The following FHOD3 variants were observed in gnomAD, a reference collection of about 807,000 sequenced individuals.
FHOD3 encodes formin homology 2 domain containing 3, also known as FH1/FH2 domain-containing protein 3.
FHOD3 carries 90 observed loss-of-function variants against 173.0 expected under a neutral mutation model. That is an observed-to-expected ratio of 0.52 (90% CI 0.44 to 0.62). FHOD3 has a LOEUF of 0.62. FHOD3 is among the 20% of genes least tolerant of loss of function. FHOD3 has a pLI of 0.00. For missense variants in FHOD3, 1,945 were observed against 2,034.7 expected, an observed-to-expected ratio of 0.96 and a Z score of 0.85; for synonymous variants, 828 against 823.0, an observed-to-expected ratio of 1.01 and a Z score of -0.10.
intron 11 of FHOD3, among the ~76,000 whole-genome samples, chr18:36,650,723 C>A (rs2035990887): frequency 6.6e-6 from 1 of 152,194 alleles, no homozygotes; most frequent in Non-Finnish European, 1.5e-5. Context: ...CCTGCACAAA[C>A]CCTTAAACCC....
chr18:36,750,113 C>T (rs2150146543), intron 24 of FHOD3, among the ~76,000 whole-genome samples: 1 of 152,212 alleles, frequency 6.6e-6, no homozygotes, highest in East Asian at 1.9e-4. Flanking sequence ...CACGGTGAAA[C>T]CCTGTCTCTA....
At chr18:36,683,657 A>T (rs2038405627) in intron 15 of FHOD3, among the ~76,000 whole-genome samples, 1 of 152,220 alleles carries the variant, frequency 6.6e-6, no homozygotes, top group Admixed American at 6.5e-5. Flanking sequence ...TTCCAGACCA[A>T]GGCACAGTAA....
At chr18:36,480,974 T>C (rs1385608762) in intron 3 of FHOD3, among the ~76,000 whole-genome samples, 1 of 147,986 alleles carries the variant, frequency 6.8e-6, no homozygotes, top group East Asian at 1.9e-4. Flanking sequence ...CCAACCACAG[T>C]TTTTTTATGC....
chr18:36,759,189 G>A (rs759286956), intron 26 of FHOD3, 48 bp downstream of exon 26: 5 of 1,511,242 alleles, frequency 3.3e-6, no homozygotes, highest in Admixed American at 2.0e-5. Context: ...ACCACCTCAT[G>A]TATGCTCTGG....
intron 5 of FHOD3, among the ~76,000 whole-genome samples, chr18:36,531,057 A>G (rs2056760393): frequency 1.3e-5 from 2 of 152,288 alleles, no homozygotes; most frequent in South Asian, 4.1e-4. Context: ...ACAGGATGTT[A>G]GAGCCAGAAG....
At chr18:36,529,500 T>C (rs1390180664) in intron 5 of FHOD3, among the ~76,000 whole-genome samples, 5 of 152,124 alleles carry the variant, frequency 3.3e-5, no homozygotes, top group African/African-American at 1.2e-4. Context: ...GATTTTTTTT[T>C]ATATATATGT....
At chr18:36,343,463 G>T (rs1204306154) in intron 1 of FHOD3, among the ~76,000 whole-genome samples, 1 of 152,178 alleles carries the variant, frequency 6.6e-6, no homozygotes, top group African/African-American at 2.4e-5. Flanking sequence ...GTCAAAATTT[G>T]ATTCCTAGTG....
chr18:36,637,390 G>A (rs187688765), intron 10 of FHOD3, among the ~76,000 whole-genome samples: 1 of 152,166 alleles, frequency 6.6e-6, no homozygotes, highest in African/African-American at 2.4e-5. Context: ...TGCAACCTCC[G>A]CCTCCTGAGT....
At chr18:36,454,259 CA>C (rs1383543111) in intron 3 of FHOD3, among the ~76,000 whole-genome samples, 10 of 151,886 alleles carry the variant, frequency 6.6e-5, no homozygotes, top group African/African-American at 2.4e-4. Context: ...AGGGCATACA[CA>C]GGGGCACACA....
chr18:36,615,663 T>C (rs997605433), intron 9 of FHOD3, among the ~76,000 whole-genome samples: 1 of 152,206 alleles, frequency 6.6e-6, no homozygotes, highest in Admixed American at 6.5e-5. Context: ...CCCTATTTTT[T>C]CAGATTTAGA....
Position 36,718,460 on chromosome 18 carries a change from G to T in FHOD3, c.3162G>T (p.Leu1054Phe), listed in dbSNP as rs764109970. 7 of 1,444,932 alleles carry T rather than the reference G, an allele frequency of 4.8e-6. No individual in the cohort carries two copies. The highest frequency in any genetic ancestry group is 2.8e-5 in the East Asian group (1 of 35,214). 89.5% of individuals were successfully genotyped at this position (1,444,932 alleles called of 1,614,324 possible). A position where few individuals can be genotyped will look rare whatever the true frequency, so the allele number is the denominator to read the frequency against. ...IPPPPVPGNLLVPPPPVFNAP... is the reference protein window; with the variant it reads ...IPPPPVPGNLFVPPPPVFNAP... ...CCCCTCCTGTCCCTGGTAATTTATT[G>T]GTTCCTCCTCCTCCAGTGTTCAACG... Residue 1054 changes from leucine to phenylalanine, a missense_variant, in exon 19 of 29, where the codon TTG becomes TTT. Physicochemically the swap from Leu to Phe is conservative, Grantham distance 22. Around this residue, in one of 5 missense-constraint regions of FHOD3, gnomAD observed 1,099 missense variants for 1,051.2 expected, o/e 1.05. Coordinates refer to ENST00000590592, the MANE Select transcript of FHOD3 (RefSeq NM_001281740.3).
intron 6 of FHOD3, among the ~76,000 whole-genome samples, chr18:36,580,523 C>T (rs1390528922): frequency 1.3e-5 from 2 of 152,192 alleles, no homozygotes; most frequent in Non-Finnish European, 2.9e-5. Flanking sequence ...TGAAGGTCTC[C>T]TGCCCCCCTG....
At chr18:36,516,767 A>G (rs1250995046) in intron 5 of FHOD3, among the ~76,000 whole-genome samples, 2 of 152,216 alleles carry the variant, frequency 1.3e-5, no homozygotes, top group Non-Finnish European at 2.9e-5. Flanking sequence ...TCAAGATAGC[A>G]TTTTAAAAAA....
intron 3 of FHOD3, among the ~76,000 whole-genome samples, chr18:36,426,453 T>C (rs2050249433): frequency 6.6e-6 from 1 of 152,096 alleles, no homozygotes; most frequent in Non-Finnish European, 1.5e-5. Flanking sequence ...GAAGAAGCCA[T>C]GGAGTTGTCA....
intron 5 of FHOD3, among the ~76,000 whole-genome samples, chr18:36,536,804 A>C (rs1161840994): frequency 6.6e-6 from 1 of 152,204 alleles, no homozygotes; most frequent in Non-Finnish European, 1.5e-5. Flanking sequence ...GGACACACTA[A>C]TTCTGCTAGC....
rs1555682884 is a variant in FHOD3, at chr18:36,369,498, C to CACACACACAT, written c.273-3181_273-3180insCACACACATA. Among the ~76,000 whole-genome samples the CACACACACAT allele has an allele frequency of 7.3e-5, 7 of 95,988 alleles. 1 individual carries two copies. Among genetic ancestry groups the CACACACACAT allele is most frequent in the Admixed American group, 3.6e-4 (3 of 8,410 alleles). The allele number at this position is 95,988 out of a possible 152,430, so 63.0% of individuals were successfully genotyped here. A position where few individuals can be genotyped will look rare whatever the true frequency, so the allele number is the denominator to read the frequency against. Reference sequence around the variant, plus strand: ...ACACACACACACACACACACACACACATATATATAGAGAGAGAGAGAGAGA... The same window carrying CACACACACAT: ...ACACACACACACACACACACACACACACACACACATATATATATAGAGAGAGAGAGAGAGA... On this transcript the variant is annotated intron_variant, in intron 2 of 28. Transcript: ENST00000590592.
intron 14 of FHOD3, among the ~76,000 whole-genome samples, chr18:36,663,193 T>G (rs1365331549): frequency 6.6e-6 from 1 of 152,224 alleles, no homozygotes; most frequent in Non-Finnish European, 1.5e-5. Context: ...TTTATCTATC[T>G]GGAAATTATT....
chr18:36,372,848 A>G, intron 3 of FHOD3, 104 bp downstream of exon 3: 4 of 926,278 alleles, frequency 4.3e-6, no homozygotes, highest in South Asian at 3.2e-5. Context: ...ACTAGCCCCT[A>G]TCATGAGTTC....
chr18:36,339,370 T>A (rs1297904200), intron 1 of FHOD3, among the ~76,000 whole-genome samples: 1 of 152,180 alleles, frequency 6.6e-6, no homozygotes, highest in Non-Finnish European at 1.5e-5. Context: ...TGTTGAGTGG[T>A]GGCCTGCCCT....
Sources: allele counts gnomAD v4.1 joint callset (sites outside exome capture counted in the v4.1 genomes callset), GRCh38; gene constraint gnomAD v4.1.1; regional missense constraint gnomAD v4.1.1; transcripts MANE v1.5; gene names NCBI Gene and HGNC (gene_info 2026-07-23, HGNC 2026-07-21).